The following KCNMA1 variants were observed in gnomAD, a reference collection of about 807,000 sequenced individuals.
KCNMA1 encodes the protein Calcium-activated potassium channel subunit alpha-1.
KCNMA1 carries 29 observed loss-of-function variants against 140.0 expected under a neutral mutation model. The ratio of observed to expected loss-of-function variants is 0.21; its 90% CI spans 0.15 to 0.28. KCNMA1 has a LOEUF of 0.28. Among genes scored for constraint, KCNMA1 ranks in the 10% least tolerant of loss-of-function variants. The pLI is 1.00. For missense variants in KCNMA1, 880 were observed against 1,602.2 expected, an observed-to-expected ratio of 0.55 and a Z score of 7.70; for synonymous variants, 612 against 611.9, an observed-to-expected ratio of 1.00 and a Z score of 0.00.
Position 76,949,125 on chromosome 10 carries a change from T to C in KCNMA1, c.2709+17A>G, listed in dbSNP as rs777013289. 4.5e-6 allele frequency: 7 copies of C among 1,565,662 alleles called. No individual in the cohort carries two copies. Among genetic ancestry groups the C allele is most frequent in the African/African-American group, 2.7e-5 (2 of 73,948 alleles). ...TGAAAAGAAGAAAAGGCATCAATAATGTGACCTTGGACTTACAGGCAATAT... is the reference window on the plus strand; with the variant it reads ...TGAAAAGAAGAAAAGGCATCAATAACGTGACCTTGGACTTACAGGCAATAT... On this transcript the variant is annotated intron_variant, in intron 22 of 27. Transcript: ENST00000286628.
intron 1 of KCNMA1, chr10:77,433,506 C>T (rs1393742552): frequency 6.6e-6 from 1 of 152,206 alleles, no homozygotes; most frequent in Non-Finnish European, 1.5e-5. Flanking sequence ...TTCAAGAACA[C>T]AGGTCAGTGA....
intron 3 of KCNMA1, among the ~76,000 whole-genome samples, chr10:77,238,772 G>A (rs1000836914): frequency 6.6e-6 from 1 of 152,200 alleles, no homozygotes; most frequent in Non-Finnish European, 1.5e-5. Context: ...ATGAGCAGAT[G>A]AATCCATCTT....
chr10:76,999,169 T>A (rs2153395004), intron 19 of KCNMA1, among the ~76,000 whole-genome samples: 1 of 152,354 alleles, frequency 6.6e-6, no homozygotes. Context: ...CTGGTCTCCA[T>A]CAATGGTTGG....
chr10:77,490,018 G>T (rs2098512578), intron 1 of KCNMA1, among the ~76,000 whole-genome samples: 1 of 152,168 alleles, frequency 6.6e-6, no homozygotes, highest in Admixed American at 6.5e-5. Context: ...ACTCTTTATT[G>T]AGGAGGGTTA....
rs139259420 is a variant in KCNMA1 at position 77,197,612 on chromosome 10, G to A, written c.603-12696C>T. Among the ~76,000 whole-genome samples the A allele has an allele frequency of 1.2e-4, 19 of 152,334 alleles. No homozygotes were observed. The South Asian group carries it at 1.7e-3, about 13-fold the overall frequency. ...AGTGCTTCAGTGTATTGGAATGCTC[G>A]CTGCTTTAATTCATGCATGCGTCCA... is the stretch of plus-strand genomic sequence containing the variant. On this transcript the variant is annotated intron_variant, in intron 3 of 27. Coordinates refer to ENST00000286628, the MANE Select transcript of KCNMA1 (RefSeq NM_001161352.2).
At chr10:77,021,375 A>C (rs1483294607) in intron 16 of KCNMA1, among the ~76,000 whole-genome samples, 2 of 152,202 alleles carry the variant, frequency 1.3e-5, no homozygotes, top group East Asian at 3.8e-4. Context: ...CATGACTGAC[A>C]CATAGAAGGT....
chr10:76,930,405 A>C (rs1337915924), intron 23 of KCNMA1, among the ~76,000 whole-genome samples: 1 of 152,210 alleles, frequency 6.6e-6, no homozygotes, highest in African/African-American at 2.4e-5. Context: ...CATCAGAAAA[A>C]TGCAAATCAC....
At chr10:76,931,588 C>T (rs71475624) in intron 23 of KCNMA1, among the ~76,000 whole-genome samples, 2,737 of 152,010 alleles carry the variant, frequency 0.018, 60 homozygotes, top group East Asian at 0.056. Context: ...AGCATGGGTC[C>T]TGCTCTGGAA....
intron 1 of KCNMA1, among the ~76,000 whole-genome samples, chr10:77,553,860 T>G (rs1432045876): frequency 6.6e-6 from 1 of 152,186 alleles, no homozygotes; most frequent in Non-Finnish European, 1.5e-5. Context: ...TAAACAGACA[T>G]GGTTCTAAAA....
intron 9 of KCNMA1, among the ~76,000 whole-genome samples, chr10:77,105,393 T>A (rs988541160): frequency 6.6e-6 from 1 of 152,228 alleles, no homozygotes; most frequent in Non-Finnish European, 1.5e-5. Flanking sequence ...AAAACCCTGA[T>A]CTTCTCTGCC....
At chr10:77,027,767 G>C (rs1249308792) in intron 16 of KCNMA1, 56 bp downstream of exon 16, 1 of 1,381,458 alleles carries the variant, frequency 7.2e-7, no homozygotes, top group Non-Finnish European at 1.0e-6. Flanking sequence ...ACCGTTCTCA[G>C]AACGCACTCT....
intron 1 of KCNMA1, among the ~76,000 whole-genome samples, chr10:77,421,464 G>A (rs2096865219): frequency 1.3e-5 from 2 of 152,192 alleles, no homozygotes; most frequent in Admixed American, 6.5e-5. Flanking sequence ...TCTGTAAAGG[G>A]CCAGATAGGA....
rs568892252 is a variant in KCNMA1, at chr10:77,274,286, ACT to A, written c.541-23032_541-23031del. Among the ~76,000 whole-genome samples, 10 of 152,114 alleles carry A rather than the reference ACT, an allele frequency of 6.6e-5. No individual in the cohort carries two copies. In the East Asian group the frequency reaches 1.9e-3, roughly 29 times the overall value. The stretch of plus-strand genomic sequence containing the variant: ...GTATCACACATGACTAAAATGCAAG[ACT>A]CTCCCAGACCTAGGGTCCTAAACAA... On this transcript the variant is annotated intron_variant, in intron 2 of 27. Transcript: ENST00000286628.
At chr10:77,477,241 A>G (rs1178978069) in intron 1 of KCNMA1, among the ~76,000 whole-genome samples, 1 of 152,250 alleles carries the variant, frequency 6.6e-6, no homozygotes, top group Non-Finnish European at 1.5e-5. Flanking sequence ...ACTCCTTATC[A>G]TAACACGAAA....
chr10:77,410,696 C>T (rs1281740282), intron 1 of KCNMA1, among the ~76,000 whole-genome samples: 4 of 152,212 alleles, frequency 2.6e-5, no homozygotes, highest in East Asian at 1.9e-4. Context: ...GCGAGTCTGC[C>T]GCTCACTAGC....
At chr10:77,454,043 T>C (rs757838311) in intron 1 of KCNMA1, among the ~76,000 whole-genome samples, 63 of 152,152 alleles carry the variant, frequency 4.1e-4, no homozygotes, top group Admixed American at 2.6e-3. Context: ...GATCAAACTG[T>C]TTCCATACAA....
At chr10:77,270,921 T>A (rs1223923785) in intron 2 of KCNMA1, among the ~76,000 whole-genome samples, 1 of 152,170 alleles carries the variant, frequency 6.6e-6, no homozygotes, top group Non-Finnish European at 1.5e-5. Context: ...AAGAAACATA[T>A]AATATTAGTG....
chr10:77,572,569 CATATATATATATATATATATATATAT>C (rs56706119), intron 1 of KCNMA1, among the ~76,000 whole-genome samples: 5 of 37,568 alleles, frequency 1.3e-4, no homozygotes, highest in Non-Finnish European at 2.4e-4. Context: ...AAAAAAAATC[CATATATATATATATATATATATATAT>C]ATATATATAA....
intron 14 of KCNMA1, among the ~76,000 whole-genome samples, chr10:77,052,790 T>A (rs774253768): frequency 7.2e-5 from 11 of 152,150 alleles, no homozygotes; most frequent in Non-Finnish European, 1.2e-4. Flanking sequence ...CAATTTTGCA[T>A]ACTCAGCAAA....
Sources: allele counts gnomAD v4.1 joint callset (sites outside exome capture counted in the v4.1 genomes callset), GRCh38; gene constraint gnomAD v4.1.1; transcripts MANE v1.5; gene names NCBI Gene and HGNC (gene_info 2026-07-23, HGNC 2026-07-21).